Variants in DOCK3 observed in about 807,000 individuals in gnomAD.
DOCK3 encodes dedicator of cytokinesis 3.
Under a neutral mutation model 265.6 loss-of-function variants are expected in DOCK3, and 60 were observed. The observed-to-expected ratio is 0.23, with a 90% CI of 0.18 to 0.28. The LOEUF (loss-of-function observed/expected upper bound fraction) is 0.28, where lower values mean the gene tolerates loss of function less well. DOCK3 is among the 10% of genes least tolerant of loss of function. The pLI is 1.00. For missense variants in DOCK3, 1,981 were observed against 2,594.3 expected, an observed-to-expected ratio of 0.76 and a Z score of 5.14; for synonymous variants, 881 against 938.0, an observed-to-expected ratio of 0.94 and a Z score of 1.11.
At chr3:51,241,231 T>C (rs1456671160) in intron 21 of DOCK3, among the ~76,000 whole-genome samples, 1 of 152,228 alleles carries the variant, frequency 6.6e-6, no homozygotes, top group Non-Finnish European at 1.5e-5. Context: ...TTTCTTTTCT[T>C]TAAGAATGTT....
rs115638022 is a variant in DOCK3, at chr3:51,171,736, T to G, written c.1037+11034T>G. 7.3e-3 allele frequency among the ~76,000 whole-genome samples: 1,110 copies of G among 151,034 alleles called. 14 individuals are homozygous for G. The highest frequency in any genetic ancestry group is 0.026 in the African/African-American group (1,067 of 41,062). On this transcript the variant is annotated intron_variant, in intron 12 of 52. Transcript: ENST00000266037. ...ATCTCAAAAAAAAAAAAAAAAAGAC[T>G]TGTTTTGTGGCCTAATAAATGCTGT...
intron 22 of DOCK3, among the ~76,000 whole-genome samples, chr3:51,250,322 A>G (rs2079145161): frequency 6.6e-6 from 1 of 151,992 alleles, no homozygotes; most frequent in African/African-American, 2.4e-5. Context: ...AACAAAACAA[A>G]ACAAAACAAA....
intron 4 of DOCK3, among the ~76,000 whole-genome samples, chr3:50,919,511 A>T (rs2050316769): frequency 6.6e-6 from 1 of 152,080 alleles, no homozygotes. Flanking sequence ...ATTCTCTTTC[A>T]AGCAGTTGTG....
At chr3:50,704,640 T>A (rs1256378268) in intron 1 of DOCK3, among the ~76,000 whole-genome samples, 2 of 151,624 alleles carry the variant, frequency 1.3e-5, no homozygotes, top group African/African-American at 4.8e-5. Context: ...TTTTTTTTTT[T>A]TTTGAGACGG....
intron 9 of DOCK3, among the ~76,000 whole-genome samples, chr3:51,093,030 T>A (rs1196923850): frequency 6.6e-6 from 1 of 152,208 alleles, no homozygotes; most frequent in Non-Finnish European, 1.5e-5. Flanking sequence ...TCTGTTCCAT[T>A]GGCCTATATA....
At chr3:51,188,436 T>C (rs1446864075) in intron 12 of DOCK3, among the ~76,000 whole-genome samples, 1 of 152,206 alleles carries the variant, frequency 6.6e-6, no homozygotes, top group Non-Finnish European at 1.5e-5. Context: ...TAATGCATAG[T>C]GGTCAAGTCA....
intron 27 of DOCK3, among the ~76,000 whole-genome samples, chr3:51,293,932 C>A (rs1271631148): frequency 6.6e-6 from 1 of 152,064 alleles, no homozygotes; most frequent in African/African-American, 2.4e-5. Flanking sequence ...AAGCTATAAT[C>A]AAAAAGATGA....
chr3:51,132,200 T>C (rs1271474895), intron 9 of DOCK3, among the ~76,000 whole-genome samples: 1 of 152,220 alleles, frequency 6.6e-6, no homozygotes, highest in African/African-American at 2.4e-5. Flanking sequence ...AGTCCCTACT[T>C]AGTGGGCCCA....
chr3:50,770,246 G>A (rs2041191349), intron 1 of DOCK3, among the ~76,000 whole-genome samples: 1 of 151,898 alleles, frequency 6.6e-6, no homozygotes, highest in African/African-American at 2.4e-5. Flanking sequence ...TGATAAATTC[G>A]GTAAAGTTGC....
chr3:51,118,112 T>C (rs928815402), intron 9 of DOCK3, among the ~76,000 whole-genome samples: 3 of 152,246 alleles, frequency 2.0e-5, no homozygotes, highest in African/African-American at 7.2e-5. Context: ...TAAATTTCTC[T>C]CTAAACACTG....
chr3:51,049,112 C>T (rs752695239), intron 5 of DOCK3, among the ~76,000 whole-genome samples: 5 of 152,058 alleles, frequency 3.3e-5, no homozygotes, highest in Non-Finnish European at 7.4e-5. Context: ...GATTCCTTGA[C>T]CTCAGGAGGT....
At chr3:50,724,100 A>C (rs1277836135) in intron 1 of DOCK3, among the ~76,000 whole-genome samples, 1 of 152,236 alleles carries the variant, frequency 6.6e-6, no homozygotes. Flanking sequence ...AAAAATCCTC[A>C]TCATCACTGG....
chr3:51,051,300 G>A (rs573309573), intron 5 of DOCK3, among the ~76,000 whole-genome samples: 1 of 152,322 alleles, frequency 6.6e-6, no homozygotes, highest in East Asian at 1.9e-4. Context: ...AGAGGTGCAC[G>A]TAAGACTCAA....
chr3:51,134,185 G>A (rs1313814920), intron 9 of DOCK3, among the ~76,000 whole-genome samples: 1 of 152,062 alleles, frequency 6.6e-6, no homozygotes, highest in Non-Finnish European at 1.5e-5. Context: ...TACCATTGAT[G>A]GGCATTTAGG....
intron 12 of DOCK3, among the ~76,000 whole-genome samples, chr3:51,181,725 G>A (rs1000930677): frequency 6.6e-6 from 1 of 152,176 alleles, no homozygotes; most frequent in African/African-American, 2.4e-5. Flanking sequence ...TCCTGAGAGA[G>A]AAGGATGCGG....
intron 9 of DOCK3, among the ~76,000 whole-genome samples, chr3:51,098,128 C>T (rs2082937921): frequency 6.6e-6 from 1 of 152,236 alleles, no homozygotes; most frequent in South Asian, 2.1e-4. Context: ...GCGATCTCAG[C>T]TCACTGTAAC....
chr3:50,956,890 T>G (rs1042527902), intron 5 of DOCK3, among the ~76,000 whole-genome samples: 1 of 152,098 alleles, frequency 6.6e-6, no homozygotes, highest in Non-Finnish European at 1.5e-5. Context: ...TGAGACAGAG[T>G]CTTGCTTTGT....
chr3:51,169,464 A>G (rs1295391438), intron 12 of DOCK3, among the ~76,000 whole-genome samples: 3 of 152,162 alleles, frequency 2.0e-5, no homozygotes, highest in Non-Finnish European at 2.9e-5. Flanking sequence ...GAGGCCATCA[A>G]TCTTAGCAAA....
At chr3:50,928,780 T>G (rs1181241713) in intron 4 of DOCK3, among the ~76,000 whole-genome samples, 2 of 152,218 alleles carry the variant, frequency 1.3e-5, no homozygotes, top group Non-Finnish European at 2.9e-5. Context: ...TGGTTCCCAG[T>G]GTATGATGGT....
Sources: gnomAD v4.1 joint callset for allele counts (sites outside exome capture counted in the v4.1 genomes callset) on GRCh38, gnomAD v4.1.1 for gene constraint, MANE v1.5 for transcripts, NCBI Gene and HGNC (gene_info 2026-07-23, HGNC 2026-07-21) for gene names.